Variants in ADCK1 observed in about 807,000 individuals in gnomAD.
ADCK1 encodes aarF domain-containing protein kinase 1.
In ADCK1, 41 loss-of-function variants were observed where a neutral mutation model predicts 52.3. The ratio of observed to expected loss-of-function variants is 0.78; its 90% CI spans 0.61 to 1.02. The LOEUF (loss-of-function observed/expected upper bound fraction) is 1.02, where lower values mean the gene tolerates loss of function less well. Ranked by LOEUF, ADCK1 falls within the 50% of genes least tolerant of loss-of-function variation. The pLI is 0.00. For synonymous variants in ADCK1, 250 were observed against 274.6 expected, an observed-to-expected ratio of 0.91 and a Z score of 0.89; for missense variants, 658 against 679.5, an observed-to-expected ratio of 0.97 and a Z score of 0.35.
At chr14:77,924,005 T>C (rs1262723659) in intron 7 of ADCK1, 1 of 155,450 alleles carries the variant, frequency 6.4e-6, no homozygotes, top group Non-Finnish European at 1.4e-5. Context: ...CTCCTGATCC[T>C]CAGCCCCCTC....
intron 5 of ADCK1, among the ~76,000 whole-genome samples, chr14:77,898,387 C>A (rs1349006540): frequency 6.6e-6 from 1 of 152,150 alleles, no homozygotes; most frequent in Non-Finnish European, 1.5e-5. Context: ...GTGGAATCAA[C>A]CCAAATGCCC....
rs756056466 is a variant in ADCK1, at chr14:77,921,326, C to CAAAAAAAAAAAAAAAAAAAAAAA, written c.859-3109_859-3108insAAAAAAAAAAAAAAAAAAAAAAA. On this transcript the variant is annotated intron_variant, in intron 7 of 10. Coordinates refer to ENST00000238561, the MANE Select transcript of ADCK1 (RefSeq NM_020421.4). The stretch of plus-strand genomic sequence containing the variant: ...TGGGCGACAGAGTGAGACTCTGTCT[C>CAAAAAAAAAAAAAAAAAAAAAAA]AAAAAAAAAAAAAAAAAAAAAAGAA... Among the ~76,000 whole-genome samples the CAAAAAAAAAAAAAAAAAAAAAAA allele has an allele frequency of 2.3e-3, 93 of 41,186 alleles. 1 individual carries two copies. Among genetic ancestry groups the CAAAAAAAAAAAAAAAAAAAAAAA allele is most frequent in the Middle Eastern group, 0.021 (1 of 48 alleles). 27.0% of individuals were successfully genotyped at this position (41,186 alleles called of 152,430 possible). A position where few individuals can be genotyped will look rare whatever the true frequency, so the allele number is the denominator to read the frequency against.
At chr14:77,842,331 T>C (rs892034338) in intron 3 of ADCK1, among the ~76,000 whole-genome samples, 3 of 152,194 alleles carry the variant, frequency 2.0e-5, no homozygotes, top group Non-Finnish European at 4.4e-5. Context: ...TGTTCACTTG[T>C]CCGCCAAATG....
At chr14:77,848,683 C>T (rs112703774) in intron 3 of ADCK1, among the ~76,000 whole-genome samples, 8,300 of 152,052 alleles carry the variant, frequency 0.055, 251 homozygotes, top group African/African-American at 0.073. Flanking sequence ...CCAGGATGAT[C>T]TCCAACTCCT....
At chr14:77,807,359 C>T (rs1205653044) in intron 1 of ADCK1, among the ~76,000 whole-genome samples, 3 of 151,754 alleles carry the variant, frequency 2.0e-5, no homozygotes, top group Admixed American at 6.6e-5. Context: ...TGAGCCACCG[C>T]GCCCGGCCTG....
chr14:77,818,246 C>T (rs142690566), intron 1 of ADCK1, among the ~76,000 whole-genome samples: 3 of 152,146 alleles, frequency 2.0e-5, no homozygotes, highest in African/African-American at 7.2e-5. Flanking sequence ...TGCTTTGCTT[C>T]TAAAATAACA....
intron 4 of ADCK1, among the ~76,000 whole-genome samples, chr14:77,885,058 G>A (rs1370133665): frequency 2.0e-5 from 3 of 152,202 alleles, no homozygotes; most frequent in African/African-American, 7.2e-5. Context: ...CAACAAATTT[G>A]TTTGGCACCA....
chr14:77,829,980 T>TGAAGGGGCATAGTGGCAA (rs2081806402), intron 3 of ADCK1, among the ~76,000 whole-genome samples: 1 of 150,710 alleles, frequency 6.6e-6, no homozygotes, highest in African/African-American at 2.4e-5. Flanking sequence ...ACTAGGAGAG[T>TGAAGGGGCATAGTGGCAA]GAAGGGGCAT....
chr14:77,909,636 A>G (rs1253721181), intron 7 of ADCK1, among the ~76,000 whole-genome samples: 1 of 152,162 alleles, frequency 6.6e-6, no homozygotes, highest in Admixed American at 6.5e-5. Flanking sequence ...TGGGGTCAGT[A>G]TCTGCCTCTA....
intron 8 of ADCK1, 85 bp downstream of exon 8, chr14:77,924,691 G>T: frequency 6.5e-7 from 1 of 1,546,410 alleles, no homozygotes; most frequent in Non-Finnish European, 8.7e-7. Context: ...AACCGGGAGG[G>T]AGATAGCGAG....
intron 1 of ADCK1, among the ~76,000 whole-genome samples, chr14:77,807,453 T>A (rs2081253511): frequency 6.6e-6 from 1 of 151,418 alleles, no homozygotes; most frequent in African/African-American, 2.4e-5. Flanking sequence ...GTGATTCTCC[T>A]GCCTCAGCCT....
At chr14:77,802,761 T>C (rs1023206093) in intron 1 of ADCK1, among the ~76,000 whole-genome samples, 2 of 152,020 alleles carry the variant, frequency 1.3e-5, no homozygotes, top group Admixed American at 1.3e-4. Flanking sequence ...CCATCCTGGC[T>C]AACATGGTGA....
At chr14:77,850,829 G>T (rs1243961490) in intron 3 of ADCK1, among the ~76,000 whole-genome samples, 25 of 143,924 alleles carry the variant, frequency 1.7e-4, no homozygotes, top group Non-Finnish European at 3.1e-4. Context: ...TTTTTTTTTT[G>T]TATTTTTAGT....
At chr14:77,931,221 G>C (rs1295217248) in intron 9 of ADCK1, among the ~76,000 whole-genome samples, 1 of 152,164 alleles carries the variant, frequency 6.6e-6, no homozygotes, top group Admixed American at 6.5e-5. Context: ...CTAAAATTGC[G>C]GCCAGTGAAA....
At chr14:77,854,156 G>T (rs749555252) in intron 3 of ADCK1, among the ~76,000 whole-genome samples, 1 of 152,214 alleles carries the variant, frequency 6.6e-6, no homozygotes, top group Non-Finnish European at 1.5e-5. Flanking sequence ...GCCTGAAAAA[G>T]TCCAAGTTTA....
intron 4 of ADCK1, among the ~76,000 whole-genome samples, chr14:77,882,960 C>T (rs1023412848): frequency 1.2e-4 from 15 of 127,466 alleles, no homozygotes; most frequent in African/African-American, 3.8e-4. Context: ...TACACCACCC[C>T]CCCCCCCGTG....
intron 4 of ADCK1, among the ~76,000 whole-genome samples, chr14:77,883,404 G>A (rs905092519): frequency 1.3e-5 from 2 of 150,536 alleles, no homozygotes; most frequent in Admixed American, 1.3e-4. Context: ...TCAGCTGCAT[G>A]GGGGGTATAA....
At chr14:77,852,895 A>ATTTT (rs1566667800) in intron 3 of ADCK1, among the ~76,000 whole-genome samples, 1 of 32,132 alleles carries the variant, frequency 3.1e-5, no homozygotes, top group Non-Finnish European at 5.9e-5. Context: ...ATATATATAT[A>ATTTT]TATATATATA....
intron 3 of ADCK1, among the ~76,000 whole-genome samples, chr14:77,847,431 G>A (rs2082193859): frequency 6.6e-6 from 1 of 152,284 alleles, no homozygotes; most frequent in South Asian, 2.1e-4. Context: ...TTAGCTGGAC[G>A]TGGTGGCAGG....
Sources: gnomAD v4.1 joint callset for allele counts (sites outside exome capture counted in the v4.1 genomes callset) on GRCh38, gnomAD v4.1.1 for gene constraint, MANE v1.5 for transcripts, NCBI Gene and HGNC (gene_info 2026-07-23, HGNC 2026-07-21) for gene names.